Variants in RTF1 observed in about 807,000 individuals in gnomAD.
RTF1 encodes RNA polymerase-associated protein RTF1 homolog.
In RTF1, 10 loss-of-function variants were observed where a neutral mutation model predicts 95.7. The observed-to-expected ratio is 0.10, with a 90% CI of 0.06 to 0.18. RTF1 has a LOEUF of 0.18. RTF1 is among the 10% of genes least tolerant of loss of function. The pLI is 1.00. For synonymous variants in RTF1, 305 were observed against 311.8 expected, an observed-to-expected ratio of 0.98 and a Z score of 0.23; for missense variants, 458 against 875.6, an observed-to-expected ratio of 0.52 and a Z score of 6.02.
At chr15:41,452,077 A>C (rs2050791847) in intron 2 of RTF1, among the ~76,000 whole-genome samples, 1 of 152,140 alleles carries the variant, frequency 6.6e-6, no homozygotes, top group Admixed American at 6.6e-5. Flanking sequence ...TTTATTATGC[A>C]ACTTTTCTCT....
chr15:41,436,302 A>AAG (rs1198112832), intron 1 of RTF1, among the ~76,000 whole-genome samples: 2 of 151,052 alleles, frequency 1.3e-5, no homozygotes, highest in Admixed American at 1.3e-4. Context: ...AAAAAAAAAA[A>AAG]AAAAAAAATT....
intron 2 of RTF1, among the ~76,000 whole-genome samples, chr15:41,444,574 C>T (rs980176016): frequency 3.3e-5 from 5 of 152,072 alleles, no homozygotes; most frequent in African/African-American, 9.7e-5. Context: ...GGATTACAGG[C>T]GTGACCATCG....
rs775398066 is a variant in RTF1, at chr15:41,470,238, A to T, written c.890-19A>T. The T allele has an allele frequency of 2.6e-5, 41 of 1,605,830 alleles. No homozygotes were observed. The highest frequency in any genetic ancestry group is 3.4e-5 in the Non-Finnish European group (40 of 1,175,894). On this transcript the variant is annotated intron_variant, in intron 6 of 17. Coordinates refer to ENST00000389629, the MANE Select transcript of RTF1 (RefSeq NM_015138.5). ...TCTTGTTGAGAAAACCTAGGTAAAC[A>T]TCTCTTCTTTCTTTCTAGCTGAGCT...
chr15:41,417,099 G>GGCGGA lies in RTF1; in HGVS notation c.-8_-4dup. 8.1e-7 allele frequency: 1 copy of GGCGGA among 1,232,574 alleles called. No homozygotes were observed. The highest frequency in any genetic ancestry group is 4.1e-5 in the South Asian group (1 of 24,394). 76.4% of individuals were successfully genotyped at this position (1,232,574 alleles called of 1,614,324 possible). A position where few individuals can be genotyped will look rare whatever the true frequency, so the allele number is the denominator to read the frequency against. On this transcript the variant is annotated 5_prime_UTR_variant, in exon 1 of 18. Coordinates refer to ENST00000389629, the MANE Select transcript of RTF1 (RefSeq NM_015138.5). ...GGCGAGCAGGGGGCGGGGCCAGGGG[G>GGCGGA]GCGGAGCGGAGCGCGCATGCGCGGT...
intron 11 of RTF1, among the ~76,000 whole-genome samples, chr15:41,476,216 G>C (rs1595441002): frequency 2.0e-5 from 3 of 152,162 alleles, no homozygotes; most frequent in African/African-American, 7.2e-5. Flanking sequence ...TTGGGCTGCT[G>C]TTTCTTGGTG....
intron 1 of RTF1, among the ~76,000 whole-genome samples, chr15:41,425,769 G>T (rs1435431327): frequency 1.3e-5 from 2 of 152,162 alleles, no homozygotes; most frequent in Non-Finnish European, 1.5e-5. Flanking sequence ...GGTTGGACAT[G>T]ATGTTCAGTA....
rs2050576239 is a variant in RTF1 at position 41,417,316 on chromosome 15, G to A, written c.198+3G>A. 1.6e-6 allele frequency: 2 copies of A among 1,247,458 alleles called. No individual in the cohort carries two copies. Among genetic ancestry groups the A allele is most frequent in the Non-Finnish European group, 2.0e-6 (2 of 988,194 alleles). The allele number at this position is 1,247,458 out of a possible 1,614,324, so 77.3% of individuals were successfully genotyped here. A position where few individuals can be genotyped will look rare whatever the true frequency, so the allele number is the denominator to read the frequency against. ...GCAGCGACGAGAACCTGGATCAGGTGAGGGCAGGCCGCGGAGGCGCGGGCC... is the reference window on the plus strand; with the variant it reads ...GCAGCGACGAGAACCTGGATCAGGTAAGGGCAGGCCGCGGAGGCGCGGGCC... On this transcript the variant is annotated splice_donor_region_variant and intron_variant, in intron 1 of 17. Coordinates refer to ENST00000389629, the MANE Select transcript of RTF1 (RefSeq NM_015138.5).
At chr15:41,434,742 C>T (rs866135277) in intron 1 of RTF1, among the ~76,000 whole-genome samples, 1 of 151,870 alleles carries the variant, frequency 6.6e-6, no homozygotes. Flanking sequence ...GTTCTCCTGC[C>T]TCAGCCTCCC....
At chr15:41,450,607 T>A (rs2050785400) in intron 2 of RTF1, among the ~76,000 whole-genome samples, 1 of 150,610 alleles carries the variant, frequency 6.6e-6, no homozygotes, top group Non-Finnish European at 1.5e-5. Flanking sequence ...AAAAATTATC[T>A]TCCTTGAAAT....
At chr15:41,454,865 G>A (rs2050804842) in intron 3 of RTF1, among the ~76,000 whole-genome samples, 1 of 152,110 alleles carries the variant, frequency 6.6e-6, no homozygotes, top group African/African-American at 2.4e-5. Context: ...TTTTTCAGTT[G>A]CACTAGCCAC....
At chr15:41,417,493 C>T (rs2050577213) in intron 1 of RTF1, among the ~76,000 whole-genome samples, 180 bp downstream of exon 1, 1 of 152,076 alleles carries the variant, frequency 6.6e-6, no homozygotes, top group Admixed American at 6.5e-5. Flanking sequence ...GAGACCGGCC[C>T]GGGCCTGGAG....
intron 4 of RTF1, among the ~76,000 whole-genome samples, chr15:41,462,303 C>T (rs1288998046): frequency 6.6e-6 from 1 of 152,026 alleles, no homozygotes; most frequent in Non-Finnish European, 1.5e-5. Context: ...CCAGCAGCAC[C>T]AGTAGTGAGA....
At chr15:41,434,220 C>T (rs552972712) in intron 1 of RTF1, among the ~76,000 whole-genome samples, 6 of 149,888 alleles carry the variant, frequency 4.0e-5, no homozygotes, top group African/African-American at 1.5e-4. Flanking sequence ...TGGGCTCAAG[C>T]GGTCCTCCCA....
At chr15:41,442,712 CCT>C (rs2050741884) in intron 2 of RTF1, among the ~76,000 whole-genome samples, 1 of 151,882 alleles carries the variant, frequency 6.6e-6, no homozygotes, top group African/African-American at 2.4e-5. Context: ...ATGGCGAAAC[CCT>C]GTCTCTACTA....
intron 1 of RTF1, among the ~76,000 whole-genome samples, chr15:41,430,294 A>G (rs2050662908): frequency 6.6e-6 from 1 of 151,110 alleles, no homozygotes; most frequent in South Asian, 2.1e-4. Flanking sequence ...CCCGGGTTCA[A>G]GCGATTCTCC....
rs2050845773 is a variant in RTF1, at chr15:41,461,075, T to C, written c.662+3199T>C. Among the ~76,000 whole-genome samples the C allele has an allele frequency of 3.4e-5, 5 of 146,436 alleles. No homozygotes were observed. The South Asian group carries it at 1.1e-3, about 32-fold the overall frequency. On this transcript the variant is annotated intron_variant, in intron 4 of 17. Transcript: ENST00000389629. ...TTTTTTTTTTGAGATGGAGTTTTGC[T>C]CTTGTTGCCCAGGCTGGAGTGCAAT...
At chr15:41,455,420 T>C (rs1375257350) in intron 3 of RTF1, among the ~76,000 whole-genome samples, 1 of 152,214 alleles carries the variant, frequency 6.6e-6, no homozygotes, top group Non-Finnish European at 1.5e-5. Context: ...AGGCCATTTT[T>C]CTAAGTGAAG....
At position 41,483,289 on chromosome 15, in the gene RTF1, T is replaced by C. The variant is rs1313084801; in HGVS notation, c.*2602T>C. ...ATTCCCTCATTGGGCCCCTCCTCCC[T>C]CCACAGTGTGGTTTCAGTGTTGAAG... On this transcript the variant is annotated 3_prime_UTR_variant, in exon 18 of 18. Coordinates refer to ENST00000389629, the MANE Select transcript of RTF1 (RefSeq NM_015138.5). The C allele has an allele frequency of 6.6e-6, 1 of 152,606 alleles. No individual in the cohort carries two copies. The highest frequency in any genetic ancestry group is 2.4e-5 in the African/African-American group (1 of 41,428). 9.5% of individuals were successfully genotyped at this position (152,606 alleles called of 1,614,324 possible).
intron 2 of RTF1, among the ~76,000 whole-genome samples, chr15:41,449,300 G>T (rs1461054757): frequency 7.1e-6 from 1 of 141,378 alleles, no homozygotes; most frequent in South Asian, 2.2e-4. Flanking sequence ...GTACGAACTC[G>T]GCTCACTGCA....
Sources: allele counts gnomAD v4.1 joint callset (sites outside exome capture counted in the v4.1 genomes callset), GRCh38; gene constraint gnomAD v4.1.1; transcripts MANE v1.5; gene names NCBI Gene and HGNC (gene_info 2026-07-23, HGNC 2026-07-21).